MYO9A: variants seen among roughly 807,000 people sequenced by gnomAD.
MYO9A encodes the protein myosin IXA.
A neutral mutation model predicts 293.3 loss-of-function variants in MYO9A; 103 were observed. That is an observed-to-expected ratio of 0.35 (90% CI 0.30 to 0.41). MYO9A has a LOEUF of 0.41. Among genes scored for constraint, MYO9A ranks in the 10% least tolerant of loss-of-function variants. The pLI is 1.00. For missense variants in MYO9A, 2,685 were observed against 3,033.0 expected, an observed-to-expected ratio of 0.89 and a Z score of 2.69; for synonymous variants, 1,001 against 1,035.7, an observed-to-expected ratio of 0.97 and a Z score of 0.64.
Position 72,046,589 on chromosome 15 carries a change from A to G in MYO9A, c.-26T>C. 6.5e-7 allele frequency: 1 copy of G among 1,543,406 alleles called. No individual in the cohort carries two copies. Among genetic ancestry groups the G allele is most frequent in the South Asian group, 1.3e-5 (1 of 79,282 alleles). ...ATTGGATCCTGTCCCATCAGCATGG[A>G]TAGTATATGTTCAAAGTCGTGCAAA... is the stretch of plus-strand genomic sequence containing the variant. On this transcript the variant is annotated 5_prime_UTR_variant, in exon 2 of 42. Coordinates refer to ENST00000356056, the MANE Select transcript of MYO9A (RefSeq NM_006901.4).
chr15:72,090,024 G>T (rs905822869), intron 1 of MYO9A, among the ~76,000 whole-genome samples: 1 of 152,088 alleles, frequency 6.6e-6, no homozygotes, highest in African/African-American at 2.4e-5. Flanking sequence ...AAGTATACAG[G>T]AATTGAAATT....
chr15:71,879,783 A>G lies in MYO9A; in HGVS notation c.5677T>C (p.Phe1893Leu), dbSNP rs2056817159. 1 of 1,613,766 alleles carries G rather than the reference A, an allele frequency of 6.2e-7. No homozygotes were observed. Residue 1893 changes from phenylalanine to leucine, a missense_variant, in exon 30 of 42, where the codon TTT becomes CTT. Around this residue, in one of 10 missense-constraint regions of MYO9A, gnomAD observed 1,434 missense variants for 1,497.7 expected, o/e 0.96. Coordinates refer to ENST00000356056, the MANE Select transcript of MYO9A (RefSeq NM_006901.4). The stretch of plus-strand genomic sequence containing the variant: ...CGAAATTCCTTCAGGGCTTTTTTAA[A>G]TACAACATCCACTAGTGTATCCTTC... ...SKKDTLVDVV[F>L]KKALKEFRQN...
intron 9 of MYO9A, among the ~76,000 whole-genome samples, chr15:71,996,023 T>C (rs998680892): frequency 6.6e-6 from 1 of 152,058 alleles, no homozygotes; most frequent in African/African-American, 2.4e-5. Flanking sequence ...TGTTGTGGAG[T>C]TTTAGAATAT....
chr15:71,906,758 CTTTTTTTTT>C (rs71131714), intron 19 of MYO9A, among the ~76,000 whole-genome samples: 3 of 61,032 alleles, frequency 4.9e-5, no homozygotes, highest in East Asian at 3.5e-4. Flanking sequence ...CCATTTCTTT[CTTTTTTTTT>C]TTTTTTTTTT....
intron 16 of MYO9A, 125 bp downstream of exon 16, chr15:71,938,727 A>T: frequency 2.7e-6 from 2 of 745,320 alleles, no homozygotes; most frequent in Non-Finnish European, 4.2e-6. Context: ...CTTATAAAGG[A>T]TTCAAGAAAT....
chr15:72,070,482 G>T (rs921016108), intron 1 of MYO9A, among the ~76,000 whole-genome samples: 2 of 151,548 alleles, frequency 1.3e-5, no homozygotes, highest in Non-Finnish European at 2.9e-5. Flanking sequence ...TGAGGGGCAG[G>T]CCTCAATCTA....
At chr15:71,841,493 A>G (rs1266038119) in intron 39 of MYO9A, among the ~76,000 whole-genome samples, 1 of 152,190 alleles carries the variant, frequency 6.6e-6, no homozygotes, top group Non-Finnish European at 1.5e-5. Flanking sequence ...ACAGATCAAC[A>G]AACATGGTGA....
At chr15:72,062,859 T>A (rs1322608474) in intron 1 of MYO9A, among the ~76,000 whole-genome samples, 1 of 152,014 alleles carries the variant, frequency 6.6e-6, no homozygotes, top group African/African-American at 2.4e-5. Flanking sequence ...CTCTACAAGA[T>A]AAATATTTTT....
At chr15:71,924,847 G>C (rs1163203698) in intron 18 of MYO9A, among the ~76,000 whole-genome samples, 1 of 151,890 alleles carries the variant, frequency 6.6e-6, no homozygotes, top group African/African-American at 2.4e-5. Flanking sequence ...TTGAACTCGG[G>C]AGGTGGAGAT....
At chr15:71,835,666 A>G (rs1046104236) in intron 39 of MYO9A, among the ~76,000 whole-genome samples, 2 of 152,148 alleles carry the variant, frequency 1.3e-5, no homozygotes, top group African/African-American at 4.8e-5. Context: ...CACAGATGGG[A>G]AAAATCAGTA....
chr15:72,015,097 C>T (rs576121359), intron 6 of MYO9A, among the ~76,000 whole-genome samples: 3 of 151,642 alleles, frequency 2.0e-5, no homozygotes, highest in East Asian at 1.9e-4. Context: ...GATCCACCCA[C>T]TTCCCAAAGT....
Position 71,933,710 on chromosome 15 carries a change from C to CTA in MYO9A, c.2523-3_2523-2dup, listed in dbSNP as rs1349867925. On this transcript the variant is annotated splice_acceptor_variant, in intron 17 of 41. Transcript: ENST00000356056. LOFTEE classifies it high-confidence loss of function. ...CTTGGATTTGAAATTTTTGTTTCTCCTATAGAGATAAATCATTCATTAAAA... is the reference window on the plus strand; with the variant it reads ...CTTGGATTTGAAATTTTTGTTTCTCCTATATAGAGATAAATCATTCATTAAAA... The CTA allele has an allele frequency of 2.0e-5, 32 of 1,586,194 alleles. No individual in the cohort carries two copies. Among genetic ancestry groups the CTA allele is most frequent in the Non-Finnish European group, 2.6e-5 (30 of 1,166,430 alleles).
At chr15:72,100,091 T>C (rs972778116) in intron 1 of MYO9A, among the ~76,000 whole-genome samples, 9 of 151,182 alleles carry the variant, frequency 6.0e-5, no homozygotes, top group African/African-American at 1.2e-4. Context: ...TCTAAAAAAA[T>C]AGAAAAATTA....
At chr15:72,115,099 T>C (rs1422896551) in intron 1 of MYO9A, among the ~76,000 whole-genome samples, 2 of 152,234 alleles carry the variant, frequency 1.3e-5, no homozygotes, top group African/African-American at 4.8e-5. Context: ...TAAAAATTCA[T>C]ATATTAGATA....
At chr15:72,111,638 AT>A (rs11286964) in intron 1 of MYO9A, among the ~76,000 whole-genome samples, 96,196 of 135,408 alleles carry the variant, frequency 0.71, 33,685 homozygotes, top group Middle Eastern at 0.76. Flanking sequence ...ATTACCCCCA[AT>A]TTTTTTTTTT....
intron 2 of MYO9A, among the ~76,000 whole-genome samples, chr15:72,044,979 C>T (rs1437814995): frequency 7.2e-5 from 11 of 152,054 alleles, no homozygotes; most frequent in Admixed American, 6.6e-4. Context: ...GCGTTCCCAT[C>T]TTCCAGGTCC....
At chr15:71,830,588 G>A (rs540565131) in intron 39 of MYO9A, among the ~76,000 whole-genome samples, 1 of 152,240 alleles carries the variant, frequency 6.6e-6, no homozygotes, top group Non-Finnish European at 1.5e-5. Flanking sequence ...AATATAAGCT[G>A]CATCCATTCC....
chr15:71,964,715 A>G (rs1308024019), intron 13 of MYO9A, among the ~76,000 whole-genome samples: 2 of 151,290 alleles, frequency 1.3e-5, no homozygotes, highest in African/African-American at 4.9e-5. Context: ...TGAACCCGGG[A>G]GGCAGAGGTT....
chr15:72,067,139 A>G (rs2079046173), intron 1 of MYO9A, among the ~76,000 whole-genome samples: 1 of 148,260 alleles, frequency 6.7e-6, no homozygotes, highest in South Asian at 2.1e-4. Context: ...TATATTAATT[A>G]CATAAATTTA....
Sources: allele counts gnomAD v4.1 joint callset (sites outside exome capture counted in the v4.1 genomes callset), GRCh38; gene constraint gnomAD v4.1.1; regional missense constraint gnomAD v4.1.1; transcripts MANE v1.5; gene names NCBI Gene and HGNC (gene_info 2026-07-23, HGNC 2026-07-21).